The following STRN variants were observed in gnomAD, a reference collection of about 807,000 sequenced individuals.
STRN encodes protein phosphatase 2 regulatory subunit B'''alpha.
STRN carries 53 observed loss-of-function variants against 96.3 expected under a neutral mutation model. The observed-to-expected ratio is 0.55, with a 90% CI of 0.44 to 0.69. The LOEUF is 0.69. STRN is among the 30% of genes least tolerant of loss of function. The pLI is 0.00. For missense variants in STRN, 987 were observed against 963.9 expected (o/e 1.02, Z -0.32); for synonymous variants, 428 against 355.9 (o/e 1.20, Z -2.28).
rs534519892 is a variant in STRN, at chr2:36,910,045, C to T, written c.413-4427G>A. Among the ~76,000 whole-genome samples, 3 of 151,944 alleles carry T rather than the reference C, an allele frequency of 2.0e-5. No homozygotes were observed. In the South Asian group the frequency reaches 6.3e-4, roughly 32 times the overall value. On this transcript the variant is annotated intron_variant, in intron 3 of 17. Coordinates refer to ENST00000263918, the MANE Select transcript of STRN (RefSeq NM_003162.4). ...AAAATTATCCAGGTGTGGTGGCAGG[C>T]GCCTGTAATCCCAGCTACTCAGGGG...
intron 1 of STRN, among the ~76,000 whole-genome samples, chr2:36,940,643 T>C (rs888766073): frequency 2.6e-5 from 4 of 150,944 alleles, no homozygotes; most frequent in Admixed American, 1.3e-4. Context: ...CTGGCTAACA[T>C]GGTGAAACCC....
chr2:36,962,136 C>T (rs185331424), intron 1 of STRN, among the ~76,000 whole-genome samples: 94 of 152,198 alleles, frequency 6.2e-4, no homozygotes, highest in African/African-American at 1.5e-3. Flanking sequence ...GTTGTATCTC[C>T]GGTATCTAGA....
intron 3 of STRN, among the ~76,000 whole-genome samples, chr2:36,908,518 G>C (rs1158020861): frequency 6.6e-6 from 1 of 152,192 alleles, no homozygotes; most frequent in Non-Finnish European, 1.5e-5. Context: ...CTGGTTGCCA[G>C]GGGATTAGCG....
rs574879068 is a variant in STRN at position 36,865,813 on chromosome 2, A to C, written c.1547+2001T>G. Among the ~76,000 whole-genome samples, 4 of 151,826 alleles carry C rather than the reference A, an allele frequency of 2.6e-5. No individual in the cohort carries two copies. The East Asian group carries it at 7.8e-4, about 30-fold the overall frequency. ...CTGACCTTGTGATCCGCCTGCCTCAACCTCCCAAAGTGCTGGAATTACAGG... is the reference window on the plus strand; with the variant it reads ...CTGACCTTGTGATCCGCCTGCCTCACCCTCCCAAAGTGCTGGAATTACAGG... On this transcript the variant is annotated intron_variant, in intron 12 of 17. Transcript: ENST00000263918.
At chr2:36,855,077 TA>T in intron 15 of STRN, 134 bp downstream of exon 15, 1 of 905,632 alleles carries the variant, frequency 1.1e-6, no homozygotes, top group Non-Finnish European at 1.6e-6. Context: ...TACAACCTTC[TA>T]AGTAACTGTG....
At chr2:36,885,894 T>C (rs1447602368) in intron 8 of STRN, among the ~76,000 whole-genome samples, 1 of 152,132 alleles carries the variant, frequency 6.6e-6, no homozygotes, top group Non-Finnish European at 1.5e-5. Flanking sequence ...GAGGCCCATA[T>C]TGTCAACGAG....
chr2:36,916,160 G>A lies in STRN; in HGVS notation c.339-9C>T, dbSNP rs1670092434. ...ACTTGTGGTATTTGGCTCTAACAAAGAAATGAGAAAATACAGACCATCTTA... is the reference window on the plus strand; with the variant it reads ...ACTTGTGGTATTTGGCTCTAACAAAAAAATGAGAAAATACAGACCATCTTA... On this transcript the variant is annotated splice_polypyrimidine_tract_variant and intron_variant, in intron 2 of 17. Transcript: ENST00000263918. The A allele has an allele frequency of 6.2e-7, 1 of 1,607,764 alleles. No homozygotes were observed. Among genetic ancestry groups the A allele is most frequent in the Admixed American group, 1.7e-5 (1 of 59,846 alleles).
rs553999861 is a variant in STRN at position 36,906,737 on chromosome 2, C to T, written c.413-1119G>A. Among the ~76,000 whole-genome samples, 6 of 151,776 alleles carry T rather than the reference C, an allele frequency of 4.0e-5. No homozygotes were observed. The South Asian group carries it at 1.0e-3, about 26-fold the overall frequency. On this transcript the variant is annotated intron_variant, in intron 3 of 17. Coordinates refer to ENST00000263918, the MANE Select transcript of STRN (RefSeq NM_003162.4). ...GGTCAGGAGTTTGAGACCAGCCTGA[C>T]CAACATGGCAAAAAACCCCATATCT... is the stretch of plus-strand genomic sequence containing the variant.
chr2:36,954,345 T>C (rs962915976), intron 1 of STRN, among the ~76,000 whole-genome samples: 2 of 151,794 alleles, frequency 1.3e-5, no homozygotes, highest in African/African-American at 4.8e-5. Flanking sequence ...ACCCTGTCTC[T>C]ACTAAAAATA....
chr2:36,921,350 G>A (rs1327415834), intron 2 of STRN, among the ~76,000 whole-genome samples: 1 of 151,804 alleles, frequency 6.6e-6, no homozygotes, highest in African/African-American at 2.4e-5. Flanking sequence ...TTCTTTGTTG[G>A]CTCTTCTTCC....
intron 13 of STRN, among the ~76,000 whole-genome samples, chr2:36,860,453 CTGGTTTGG>C: frequency 6.6e-6 from 1 of 152,248 alleles, no homozygotes; most frequent in South Asian, 2.1e-4. Context: ...TATCCTTACT[CTGGTTTGG>C]TGGTAAAATT....
chr2:36,951,636 G>C (rs1043423180), intron 1 of STRN, among the ~76,000 whole-genome samples: 1 of 152,302 alleles, frequency 6.6e-6, no homozygotes, highest in East Asian at 1.9e-4. Context: ...TTGAGTAACA[G>C]TGTAACCTAA....
intron 1 of STRN, among the ~76,000 whole-genome samples, chr2:36,936,590 TA>T (rs1670707325): frequency 6.6e-6 from 1 of 152,216 alleles, no homozygotes; most frequent in Non-Finnish European, 1.5e-5. Flanking sequence ...AAACTACATG[TA>T]TGTAAGTGAC....
intron 3 of STRN, among the ~76,000 whole-genome samples, chr2:36,912,286 T>C (rs1270199918): frequency 6.6e-6 from 1 of 151,714 alleles, no homozygotes; most frequent in Non-Finnish European, 1.5e-5. Context: ...CTTGACCCCA[T>C]GTGTCCTTCC....
intron 8 of STRN, among the ~76,000 whole-genome samples, chr2:36,885,478 A>G (rs920780465): frequency 6.6e-6 from 1 of 152,152 alleles, no homozygotes; most frequent in Non-Finnish European, 1.5e-5. Context: ...ATCAGTAAGT[A>G]TATTTGGCGA....
At chr2:36,850,591 C>T (rs1668193914) in intron 16 of STRN, among the ~76,000 whole-genome samples, 1 of 152,138 alleles carries the variant, frequency 6.6e-6, no homozygotes, top group African/African-American at 2.4e-5. Context: ...TTGAATAATG[C>T]TATTCAATAA....
Position 36,878,031 on chromosome 2 carries a change from A to T in STRN, c.1187-4T>A. Reference sequence around the variant, plus strand: ...GGAGGAAATGTCAATGCTTCCACTGAAGAGGGAAGACAAAGGAAACATTAA... The same window carrying T: ...GGAGGAAATGTCAATGCTTCCACTGTAGAGGGAAGACAAAGGAAACATTAA... On this transcript the variant is annotated splice_polypyrimidine_tract_variant and splice_region_variant and intron_variant, in intron 9 of 17. Transcript: ENST00000263918. 1 of 1,613,626 alleles carries T rather than the reference A, an allele frequency of 6.2e-7. No homozygotes were observed. Among genetic ancestry groups the T allele is most frequent in the South Asian group, 1.1e-5 (1 of 90,930 alleles).
chr2:36,919,086 C>G (rs1670181241), intron 2 of STRN, among the ~76,000 whole-genome samples: 1 of 152,146 alleles, frequency 6.6e-6, no homozygotes, highest in Non-Finnish European at 1.5e-5. Flanking sequence ...AACAGCATCT[C>G]AATTATATCT....
At chr2:36,859,191 G>A (rs1668418863) in intron 13 of STRN, among the ~76,000 whole-genome samples, 2 of 152,040 alleles carry the variant, frequency 1.3e-5, no homozygotes, top group Admixed American at 6.6e-5. Context: ...CTGTCTCCAG[G>A]GGCAGCAGGA....
Sources: gnomAD v4.1 joint callset for allele counts (sites outside exome capture counted in the v4.1 genomes callset) on GRCh38, gnomAD v4.1.1 for gene constraint, MANE v1.5 for transcripts, NCBI Gene and HGNC (gene_info 2026-07-23, HGNC 2026-07-21) for gene names.